The following PARD3B variants were observed in gnomAD, a reference collection of about 807,000 sequenced individuals.
PARD3B encodes partitioning defective 3 homolog B.
Under a neutral mutation model 130.2 loss-of-function variants are expected in PARD3B, and 103 were observed. The observed-to-expected ratio is 0.79, with a 90% CI of 0.67 to 0.93. The LOEUF (loss-of-function observed/expected upper bound fraction) is 0.93, where lower values mean the gene tolerates loss of function less well. Among genes scored for constraint, PARD3B ranks in the 40% least tolerant of loss-of-function variants. PARD3B has a pLI of 0.00. For synonymous variants in PARD3B, 583 were observed against 553.2 expected (o/e 1.05, Z -0.76); for missense variants, 1,609 against 1,499.2 (o/e 1.07, Z -1.21).
chr2:204,807,897 T>C (rs2042831578), intron 2 of PARD3B, among the ~76,000 whole-genome samples: 1 of 151,850 alleles, frequency 6.6e-6, no homozygotes. Flanking sequence ...GTATTTGAGA[T>C]CACAACACGA....
At chr2:204,581,563 G>A (rs1386736392) in intron 1 of PARD3B, among the ~76,000 whole-genome samples, 3 of 152,058 alleles carry the variant, frequency 2.0e-5, no homozygotes, top group Non-Finnish European at 4.4e-5. Context: ...GGTGTGGTGG[G>A]GGAGGAATGG....
At chr2:205,334,297 C>T (rs889862460) in intron 18 of PARD3B, among the ~76,000 whole-genome samples, 15 of 152,094 alleles carry the variant, frequency 9.9e-5, no homozygotes, top group Non-Finnish European at 1.8e-4. Flanking sequence ...TAGAGAAAAG[C>T]TTTTGAAGCT....
intron 2 of PARD3B, among the ~76,000 whole-genome samples, chr2:204,745,543 C>T (rs1045948879): frequency 2.4e-4 from 37 of 152,050 alleles, no homozygotes; most frequent in African/African-American, 8.9e-4. Flanking sequence ...GCTGGGATTA[C>T]AGGCACCTAC....
intron 2 of PARD3B, among the ~76,000 whole-genome samples, chr2:204,940,351 G>T (rs942301790): frequency 3.3e-5 from 5 of 152,162 alleles, no homozygotes; most frequent in Non-Finnish European, 7.3e-5. Context: ...AGAGTTAAAG[G>T]GATAAATCAG....
At chr2:204,580,726 T>C (rs1423524254) in intron 1 of PARD3B, among the ~76,000 whole-genome samples, 2 of 152,182 alleles carry the variant, frequency 1.3e-5, no homozygotes, top group Admixed American at 6.5e-5. Flanking sequence ...CATTAATTCA[T>C]TGAATATGGC....
chr2:205,094,025 G>A (rs1030175520), intron 4 of PARD3B, among the ~76,000 whole-genome samples: 1 of 152,076 alleles, frequency 6.6e-6, no homozygotes, highest in Non-Finnish European at 1.5e-5. Flanking sequence ...TGGTGTAGCC[G>A]GCTCTGGATC....
intron 19 of PARD3B, among the ~76,000 whole-genome samples, chr2:205,424,106 A>C (rs1181925499): frequency 6.6e-6 from 1 of 152,210 alleles, no homozygotes; most frequent in African/African-American, 2.4e-5. Context: ...AAAATACTGT[A>C]GTTGAATACA....
chr2:205,598,266 GA>G (rs1166543177), intron 22 of PARD3B, among the ~76,000 whole-genome samples: 1 of 151,860 alleles, frequency 6.6e-6, no homozygotes. Context: ...AAGGAATGGC[GA>G]AAGATGTATC....
chr2:205,279,766 C>G (rs888745921), intron 16 of PARD3B, among the ~76,000 whole-genome samples: 1 of 152,096 alleles, frequency 6.6e-6, no homozygotes, highest in African/African-American at 2.4e-5. Context: ...CTAAAATGAA[C>G]CCCCTCTTGG....
chr2:205,357,614 G>A (rs1480843004), intron 18 of PARD3B, among the ~76,000 whole-genome samples: 10 of 151,748 alleles, frequency 6.6e-5, no homozygotes, highest in Admixed American at 5.9e-4. Flanking sequence ...GTTTTGGAAC[G>A]AAAGTTTTAG....
At chr2:205,453,867 G>A (rs182506816) in intron 20 of PARD3B, among the ~76,000 whole-genome samples, 27 of 152,148 alleles carry the variant, frequency 1.8e-4, no homozygotes, top group African/African-American at 6.0e-4. Flanking sequence ...GCTGAGTATT[G>A]GCACATGATG....
Position 205,550,136 on chromosome 2 carries a change from A to G in PARD3B, c.3181-3188A>G, listed in dbSNP as rs965280561. Reference sequence around the variant, plus strand: ...ATGGTTTTTCACTTTTGTGCTCTTTACTTGAATGGCTTATCCTACTACTCC... The same window carrying G: ...ATGGTTTTTCACTTTTGTGCTCTTTGCTTGAATGGCTTATCCTACTACTCC... On this transcript the variant is annotated intron_variant, in intron 21 of 22. Coordinates refer to ENST00000406610, the MANE Select transcript of PARD3B (RefSeq NM_001302769.2). This position sits in a 1 kb window ranked among gnomAD's most constrained non-coding sequence, Gnocchi z 4.5. Among the ~76,000 whole-genome samples, 2 of 152,100 alleles carry G rather than the reference A, an allele frequency of 1.3e-5. No individual in the cohort carries two copies. Among genetic ancestry groups the G allele is most frequent in the Admixed American group, 1.3e-4 (2 of 15,262 alleles).
At chr2:205,070,551 G>T (rs951063497) in intron 4 of PARD3B, among the ~76,000 whole-genome samples, 10 of 152,060 alleles carry the variant, frequency 6.6e-5, no homozygotes, top group Non-Finnish European at 1.5e-4. Flanking sequence ...TTAGCTGAAA[G>T]TCGTACTAAA....
At chr2:204,658,622 AT>A (rs920183936) in intron 1 of PARD3B, among the ~76,000 whole-genome samples, 15 of 150,276 alleles carry the variant, frequency 1.0e-4, no homozygotes, top group South Asian at 6.3e-4. Flanking sequence ...TCAACAAATT[AT>A]TTTTTTTTTC....
rs2054162152 is a variant in PARD3B, at chr2:205,585,445, GA to G, written c.3261-30009del. Among the ~76,000 whole-genome samples the G allele has an allele frequency of 6.6e-6, 1 of 152,150 alleles. No homozygotes were observed. The highest frequency in any genetic ancestry group is 1.5e-5 in the Non-Finnish European group (1 of 68,026). ...TTTTAAAGGGTTAATCCAACCTAAT[GA>G]ATCATTTAATGGGGATGAGAAGGCC... On this transcript the variant is annotated intron_variant, in intron 22 of 22. Coordinates refer to ENST00000406610, the MANE Select transcript of PARD3B (RefSeq NM_001302769.2). This position sits in a 1 kb window ranked among gnomAD's most constrained non-coding sequence, Gnocchi z 5.4.
intron 2 of PARD3B, among the ~76,000 whole-genome samples, chr2:204,851,288 C>G (rs1419619990): frequency 6.6e-6 from 1 of 152,132 alleles, no homozygotes; most frequent in Non-Finnish European, 1.5e-5. Flanking sequence ...TGTGAGTTTG[C>G]TATTTGTAAG....
intron 22 of PARD3B, among the ~76,000 whole-genome samples, chr2:205,576,292 T>C (rs1452755528): frequency 2.0e-5 from 3 of 151,638 alleles, no homozygotes; most frequent in Non-Finnish European, 4.4e-5. Context: ...ATGTGTCTTT[T>C]GCAAATATTT....
In PARD3B at chr2:205,300,656, T is replaced by C; in HGVS notation, c.2312T>C (p.Met771Thr). The C allele has an allele frequency of 3.1e-6, 5 of 1,613,972 alleles. No individual in the cohort carries two copies. Among genetic ancestry groups the C allele is most frequent in the South Asian group, 1.1e-5 (1 of 91,066 alleles). ...CCCTTTCACAGGCCCCGGCCGCACA[T>C]GGTTCGAGGCCGAGGCTGCAATGAG... ...DLPFHRPRPH[M>T]VRGRGCNESF... Residue 771 changes from methionine to threonine, a missense_variant, in exon 17 of 23, where the codon ATG (methionine) becomes ACG (threonine). Met to Thr is a moderately conservative substitution (Grantham distance 81). Transcript: ENST00000406610. The surrounding 1 kb of genome is among the most constrained non-coding windows in gnomAD (Gnocchi z 4.1).
intron 2 of PARD3B, among the ~76,000 whole-genome samples, chr2:204,805,741 A>G (rs2042744252): frequency 6.6e-6 from 1 of 152,180 alleles, no homozygotes; most frequent in Non-Finnish European, 1.5e-5. Flanking sequence ...CAATGATGCA[A>G]GGCAAGGGTG....
Sources: gnomAD v4.1 joint callset for allele counts (sites outside exome capture counted in the v4.1 genomes callset) on GRCh38, gnomAD v4.1.1 for gene constraint, Gnocchi (gnomAD v3.1) non-coding constraint, MANE v1.5 for transcripts, NCBI Gene and HGNC (gene_info 2026-07-23, HGNC 2026-07-21) for gene names.